ZNF607: variants seen among roughly 807,000 people sequenced by gnomAD.
ZNF607 encodes zinc finger protein 607.
Under a neutral mutation model 12.8 loss-of-function variants are expected in ZNF607, and 5 were observed. That is an observed-to-expected ratio of 0.39 (90% CI 0.20 to 0.82). The LOEUF (loss-of-function observed/expected upper bound fraction) is 0.82, where lower values mean the gene tolerates loss of function less well. Ranked by LOEUF, ZNF607 falls within the 40% of genes least tolerant of loss-of-function variation. The probability of loss-of-function intolerance (pLI) is 0.39; values close to 1 mark genes in which losing one functional copy is unlikely to be tolerated. For synonymous variants in ZNF607, 287 were observed against 276.2 expected, an observed-to-expected ratio of 1.04 and a Z score of -0.39; for missense variants, 851 against 859.2, an observed-to-expected ratio of 0.99 and a Z score of 0.12.
rs372759495 is a variant in ZNF607 at position 37,698,335 on chromosome 19, C to T, written c.1796G>A (p.Ser599Asn). 101 of 1,614,102 alleles carry T rather than the reference C, an allele frequency of 6.3e-5. No individual in the cohort carries two copies. The East Asian group carries it at 1.9e-3, about 30-fold the overall frequency. ...YECKECGETF[S>N]HASHLIIHER... ...ATGAATAATAAGATGTGAAGCATGACTAAAAGTTTCCCCACATTCTTTACA... is the reference window on the plus strand; with the variant it reads ...ATGAATAATAAGATGTGAAGCATGATTAAAAGTTTCCCCACATTCTTTACA... The change falls in exon 5 of 5, where the codon AGT becomes AAT. Residue 599 changes from serine (S) to asparagine (N), a missense_variant. Ser to Asn is a conservative substitution (Grantham distance 46, BLOSUM62 1). Coordinates refer to ENST00000355202, the MANE Select transcript of ZNF607 (RefSeq NM_032689.5).
Position 37,707,996 on chromosome 19 carries a change from A to T in ZNF607, c.153T>A (p.Ser51=). 1 of 1,613,780 alleles carries T rather than the reference A, an allele frequency of 6.2e-7. No individual in the cohort carries two copies. The highest frequency in any genetic ancestry group is 1.1e-5 in the South Asian group (1 of 90,950). ...NLVSLAGHSV[S]KPDLITLLEQ... ...CCAATAAGGTGATTAAATCTGGCTT[A>T]GATACGGAATGTCCTGCTTACAAAG... The change falls in exon 4 of 5, where the codon TCT becomes TCA. Residue 51 remains serine, a synonymous_variant. Transcript: ENST00000355202.
At chr19:37,705,623 T>C (rs2045075104) in intron 4 of ZNF607, among the ~76,000 whole-genome samples, 1 of 142,774 alleles carries the variant, frequency 7.0e-6, no homozygotes, top group Non-Finnish European at 1.5e-5. Context: ...AGGTGGAGGT[T>C]GCAGTGAGCT....
chr19:37,707,214 G>A (rs111814208), intron 4 of ZNF607, among the ~76,000 whole-genome samples: 5,851 of 152,238 alleles, frequency 0.038, 148 homozygotes, highest in Non-Finnish European at 0.052. Context: ...AGAACAGGCC[G>A]GGTGAGATGG....
rs749661817 is a variant in ZNF607 at position 37,699,416 on chromosome 19, G to A, written c.715C>T (p.Arg239Ter). ...ECGKAFSVYGRLSRHQSIHTG... is the reference protein window; with the variant it reads ...ECGKAFSVYG ...TGAATACTCTGATGTCGACTAAGTCGTCCATACACACTAAAGGCCTTGCCA... is the reference window on the plus strand; with the variant it reads ...TGAATACTCTGATGTCGACTAAGTCATCCATACACACTAAAGGCCTTGCCA... Residue 239 changes from arginine (R) to a stop codon, truncating the protein, a stop_gained, in exon 5 of 5, where the codon CGA becomes TGA. Coordinates refer to ENST00000355202, the MANE Select transcript of ZNF607 (RefSeq NM_032689.5). LOFTEE classifies it low-confidence loss of function (END_TRUNC). 9 of 1,614,042 alleles carry A rather than the reference G, an allele frequency of 5.6e-6. No homozygotes were observed. Among genetic ancestry groups the A allele is most frequent in the South Asian group, 4.4e-5 (4 of 91,072 alleles).
At chr19:37,702,156 G>A (rs757038853) in intron 4 of ZNF607, among the ~76,000 whole-genome samples, 4 of 151,314 alleles carry the variant, frequency 2.6e-5, no homozygotes, top group Admixed American at 1.3e-4. Context: ...GCATGGTGGC[G>A]GGCACCTGTA....
intron 4 of ZNF607, chr19:37,706,438 G>GC (rs1464557943): frequency 6.6e-6 from 1 of 152,298 alleles, no homozygotes; most frequent in Non-Finnish European, 1.5e-5. Flanking sequence ...TTCATTGTGT[G>GC]CTGTAGCTGT....
At chr19:37,702,454 A>C (rs1220578500) in intron 4 of ZNF607, among the ~76,000 whole-genome samples, 11 of 152,184 alleles carry the variant, frequency 7.2e-5, no homozygotes, top group Non-Finnish European at 1.5e-4. Flanking sequence ...AAAGAAATAA[A>C]TTTGTAGAAT....
Position 37,699,182 on chromosome 19 carries a change from C to T in ZNF607, c.949G>A (p.Gly317Ser), listed in dbSNP as rs186163836. The change falls in exon 5 of 5, where the codon GGC (glycine) becomes AGC (serine). Residue 317 changes from glycine to serine, a missense_variant. Gly to Ser is a moderately conservative substitution (Grantham distance 56). Coordinates refer to ENST00000355202, the MANE Select transcript of ZNF607 (RefSeq NM_032689.5). ...KPYECKECGK[G>S]FTCRYQLTMH... ...GTAAGTTGATACCTACATGTAAAGCCCTTCCCGCATTCCTTGCATTCATAG... is the reference window on the plus strand; with the variant it reads ...GTAAGTTGATACCTACATGTAAAGCTCTTCCCGCATTCCTTGCATTCATAG... The T allele has an allele frequency of 8.1e-6, 13 of 1,614,096 alleles. No homozygotes were observed. In the East Asian group the frequency reaches 2.5e-4, roughly 30 times the overall value.
At chr19:37,718,365 T>C (rs575058819) in intron 1 of ZNF607, among the ~76,000 whole-genome samples, 1 of 152,186 alleles carries the variant, frequency 6.6e-6, no homozygotes, top group East Asian at 1.9e-4. Context: ...CGCTTATGTT[T>C]CCCCCCTCCA....
chr19:37,716,317 G>T (rs2045176233), intron 1 of ZNF607, among the ~76,000 whole-genome samples: 1 of 152,174 alleles, frequency 6.6e-6, no homozygotes, highest in South Asian at 2.1e-4. Flanking sequence ...TTAAGCGGAG[G>T]TCATTTCCTT....
chr19:37,700,156 C>T (rs972004230), intron 4 of ZNF607, among the ~76,000 whole-genome samples: 8 of 152,158 alleles, frequency 5.3e-5, no homozygotes, highest in Non-Finnish European at 8.8e-5. Flanking sequence ...TAAATACTCC[C>T]ACTGAGGGCA....
rs2044990596 is a variant in ZNF607, at chr19:37,697,900, C to T, written c.*140G>A. 2.6e-6 allele frequency: 2 copies of T among 777,072 alleles called. No homozygotes were observed. Among genetic ancestry groups the T allele is most frequent in the African/African-American group, 1.7e-5 (1 of 57,804 alleles). 48.1% of individuals were successfully genotyped at this position (777,072 alleles called of 1,614,324 possible). A position where few individuals can be genotyped will look rare whatever the true frequency, so the allele number is the denominator to read the frequency against. On this transcript the variant is annotated 3_prime_UTR_variant, in exon 5 of 5. Transcript: ENST00000355202. ...TGATTTACATTTTGAAAAGTTCACACCAATACAAATTGATGCCTAATAAAA... is the reference window on the plus strand; with the variant it reads ...TGATTTACATTTTGAAAAGTTCACATCAATACAAATTGATGCCTAATAAAA...
chr19:37,719,615 T>C lies in ZNF607; in HGVS notation c.-421A>G, dbSNP rs1213317072. 6.6e-6 allele frequency: 1 copy of C among 152,336 alleles called. No individual in the cohort carries two copies. The highest frequency in any genetic ancestry group is 1.5e-5 in the Non-Finnish European group (1 of 68,134). The allele number at this position is 152,336 out of a possible 1,614,324, so 9.4% of individuals were successfully genotyped here. A position where few individuals can be genotyped will look rare whatever the true frequency, so the allele number is the denominator to read the frequency against. ...AGTTTTCTCCGTTGCCTTTGTAATA[T>C]GTAGTCCAAGCCAGAACAGTCAGGA... On this transcript the variant is annotated 5_prime_UTR_variant, in exon 1 of 5. Coordinates refer to ENST00000355202, the MANE Select transcript of ZNF607 (RefSeq NM_032689.5).
At chr19:37,700,269 T>G (rs1423368125) in intron 4 of ZNF607, among the ~76,000 whole-genome samples, 1 of 152,202 alleles carries the variant, frequency 6.6e-6, no homozygotes, top group East Asian at 1.9e-4. Context: ...TATATAAATT[T>G]ATATCATATG....
chr19:37,716,821 T>C (rs2045179986), intron 1 of ZNF607, among the ~76,000 whole-genome samples: 1 of 152,222 alleles, frequency 6.6e-6, no homozygotes, highest in Non-Finnish European at 1.5e-5. Context: ...TTTCTAAAAG[T>C]ATCCTTATGG....
chr19:37,707,867 G>C (rs1181264781), intron 4 of ZNF607, 47 bp downstream of exon 4: 1 of 1,420,502 alleles, frequency 7.0e-7, no homozygotes, highest in Non-Finnish European at 9.9e-7. Context: ...CTTCCACGAG[G>C]GCTATTTGCA....
chr19:37,710,103 C>G (rs1599667340), intron 2 of ZNF607, among the ~76,000 whole-genome samples: 1 of 151,092 alleles, frequency 6.6e-6, no homozygotes, highest in South Asian at 2.1e-4. Context: ...TGCAGTGAGC[C>G]GAGATTGCGC....
chr19:37,699,177 A>G lies in ZNF607; in HGVS notation c.954T>C (p.Phe318=). The G allele has an allele frequency of 9.3e-6, 15 of 1,614,176 alleles. No individual in the cohort carries two copies. The highest frequency in any genetic ancestry group is 1.3e-5 in the Non-Finnish European group (15 of 1,180,020). Residue 318 remains phenylalanine (F), a synonymous_variant, in exon 5 of 5, where the codon TTT becomes TTC. Coordinates refer to ENST00000355202, the MANE Select transcript of ZNF607 (RefSeq NM_032689.5). ...PYECKECGKG[F]TCRYQLTMHQ... is the part of the protein sequence containing the mutation. ...GCATGGTAAGTTGATACCTACATGT[A>G]AAGCCCTTCCCGCATTCCTTGCATT...
In ZNF607 at chr19:37,696,847, TG is replaced by T. The variant is rs1183062379; in HGVS notation, c.*1192del. 8.4e-6 allele frequency: 7 copies of T among 834,956 alleles called. No individual in the cohort carries two copies. Among genetic ancestry groups the T allele is most frequent in the Non-Finnish European group, 1.0e-5 (5 of 497,878 alleles). The allele number at this position is 834,956 out of a possible 1,614,324, so 51.7% of individuals were successfully genotyped here. On this transcript the variant is annotated 3_prime_UTR_variant, in exon 5 of 5. Coordinates refer to ENST00000355202, the MANE Select transcript of ZNF607 (RefSeq NM_032689.5). ...CACAAATCTGGCGCTCTCTGCTTCC[TG>T]GGGGGCCACCTGTCTGTTAACTCCT...
Sources: allele counts gnomAD v4.1 joint callset (sites outside exome capture counted in the v4.1 genomes callset), GRCh38; gene constraint gnomAD v4.1.1; transcripts MANE v1.5; gene names NCBI Gene and HGNC (gene_info 2026-07-23, HGNC 2026-07-21).